The following LHX6 variants were observed in gnomAD, a reference collection of about 807,000 sequenced individuals.
LHX6 encodes LIM/homeobox protein Lhx6.
LHX6 carries 15 observed loss-of-function variants against 47.1 expected under a neutral mutation model. The ratio of observed to expected loss-of-function variants is 0.32; its 90% CI spans 0.21 to 0.49. The LOEUF (loss-of-function observed/expected upper bound fraction) is 0.49, where lower values mean the gene tolerates loss of function less well. Among genes scored for constraint, LHX6 ranks in the 20% least tolerant of loss-of-function variants. The pLI is 0.99. For synonymous variants in LHX6, 242 were observed against 233.5 expected, an observed-to-expected ratio of 1.04 and a Z score of -0.33; for missense variants, 404 against 539.6, an observed-to-expected ratio of 0.75 and a Z score of 2.49.
At chr9:122,228,489 C>CA in intron 1 of LHX6, 168 bp downstream of exon 1, 2 of 1,327,452 alleles carry the variant, frequency 1.5e-6, no homozygotes, top group Non-Finnish European at 1.9e-6. Context: ...TTCCGCGACC[C>CA]CCCCCCCCCG....
Position 122,217,598 on chromosome 9 carries a change from A to G in LHX6, c.462-310T>C, listed in dbSNP as rs980378474. ...AGTTAGAAAAAACACAATAATAGTA[A>G]TAATAAGCAAGTTGTTGAGCACTTA... On this transcript the variant is annotated intron_variant, in intron 4 of 9. Transcript: ENST00000394319. The surrounding 1 kb of genome is among the most constrained non-coding windows in gnomAD (Gnocchi z 4.9). Among the ~76,000 whole-genome samples the G allele has an allele frequency of 7.9e-5, 12 of 152,244 alleles. 1 individual carries two copies. The highest frequency in any genetic ancestry group is 1.3e-4 in the Admixed American group (2 of 15,292).
At chr9:122,210,256 G>A (rs891809021) in intron 8 of LHX6, among the ~76,000 whole-genome samples, 1 of 151,922 alleles carries the variant, frequency 6.6e-6, no homozygotes, top group South Asian at 2.1e-4. Flanking sequence ...GTGAGAGTGA[G>A]GTATAACCAT....
chr9:122,218,104 C>T lies in LHX6; in HGVS notation c.462-816G>A, dbSNP rs558685442. Among the ~76,000 whole-genome samples the T allele has an allele frequency of 7.9e-5, 12 of 152,308 alleles. No individual in the cohort carries two copies. In the East Asian group the frequency reaches 1.5e-3, roughly 20 times the overall value. On this transcript the variant is annotated intron_variant, in intron 4 of 9. Coordinates refer to ENST00000394319, the MANE Select transcript of LHX6 (RefSeq NM_014368.5). ...GCCTTCCTTGATTCTACGACTTCTC[C>T]TTCTCCCTTCTGGTTTTGTAGTCTG...
chr9:122,220,066 T>C (rs1027312635), intron 4 of LHX6, among the ~76,000 whole-genome samples: 10 of 152,240 alleles, frequency 6.6e-5, no homozygotes, highest in Admixed American at 1.3e-4. Context: ...CGTGGGATTC[T>C]TTCCCCCTTG....
rs546439326 is a variant in LHX6 at position 122,204,556 on chromosome 9, C to G, written c.*204G>C. 2 of 473,880 alleles carry G rather than the reference C, an allele frequency of 4.2e-6. No individual in the cohort carries two copies. Among genetic ancestry groups the G allele is most frequent in the South Asian group, 8.7e-5 (2 of 22,882 alleles). The allele number at this position is 473,880 out of a possible 1,614,324, so 29.4% of individuals were successfully genotyped here. ...GGAGTTCTGCCTTCCAAGAGGAGGA[C>G]TCTGTGGTGCTCCTGGTGGGTTCTG... On this transcript the variant is annotated 3_prime_UTR_variant, in exon 10 of 10. Transcript: ENST00000394319.
At chr9:122,228,291 T>C in intron 1 of LHX6, 1 of 1,534,762 alleles carries the variant, frequency 6.5e-7, no homozygotes, top group Non-Finnish European at 8.7e-7. Flanking sequence ...CTCCAGCCCC[T>C]CGGCGCGCCG....
At chr9:122,224,778 C>A (rs775532015) in intron 4 of LHX6, among the ~76,000 whole-genome samples, 6 of 152,200 alleles carry the variant, frequency 3.9e-5, no homozygotes, top group Non-Finnish European at 5.9e-5. Flanking sequence ...CACACATGAA[C>A]TAAAAGACAA....
At position 122,226,183 on chromosome 9, in the gene LHX6, C is replaced by T. The variant is rs1831088120; in HGVS notation, c.461+193G>A. 6.6e-6 allele frequency among the ~76,000 whole-genome samples: 1 copy of T among 152,218 alleles called. No individual in the cohort carries two copies. Among genetic ancestry groups the T allele is most frequent in the Non-Finnish European group, 1.5e-5 (1 of 68,026 alleles). On this transcript the variant is annotated intron_variant, in intron 4 of 9. Transcript: ENST00000394319. This position sits in a 1 kb window ranked among gnomAD's most constrained non-coding sequence, Gnocchi z 6.5. ...GGCAGATCCGGGGCGCAAACCTGTGCAGGCACTGGCGCGCTGCCTGGAGCT... is the reference window on the plus strand; with the variant it reads ...GGCAGATCCGGGGCGCAAACCTGTGTAGGCACTGGCGCGCTGCCTGGAGCT...
intron 8 of LHX6, among the ~76,000 whole-genome samples, chr9:122,211,917 AAT>A (rs1446151500): frequency 1.3e-5 from 2 of 152,206 alleles, no homozygotes; most frequent in Non-Finnish European, 2.9e-5. Context: ...GTGCAGCCTG[AAT>A]ATAGTTATTG....
Position 122,213,966 on chromosome 9 carries a change from C to CCGCCCCCCCG in LHX6, c.879+7_879+8insCGGGGGGGCG. The CCGCCCCCCCG allele has an allele frequency of 6.3e-7, 1 of 1,580,126 alleles. No individual in the cohort carries two copies. Among genetic ancestry groups the CCGCCCCCCCG allele is most frequent in the Non-Finnish European group, 8.6e-7 (1 of 1,161,536 alleles). On this transcript the variant is annotated splice_region_variant and intron_variant, in intron 7 of 9. Coordinates refer to ENST00000394319, the MANE Select transcript of LHX6 (RefSeq NM_014368.5). This position sits in a 1 kb window ranked among gnomAD's most constrained non-coding sequence, Gnocchi z 5.5. ...GCGGTCCCCAGGCCCCGCCCACCCC[C>CCGCCCCCCCG]GTCCCACCTGGATGACTCTCCGGCT...
intron 4 of LHX6, among the ~76,000 whole-genome samples, chr9:122,218,254 C>T (rs932923): frequency 0.021 from 3,136 of 152,172 alleles, 103 homozygotes; most frequent in African/African-American, 0.068. Context: ...AAAGTGTGTT[C>T]TTTAAAGTGG....
chr9:122,222,319 G>A (rs1436165208), intron 4 of LHX6, among the ~76,000 whole-genome samples: 9 of 152,156 alleles, frequency 5.9e-5, no homozygotes, highest in Non-Finnish European at 1.0e-4. Flanking sequence ...TCTTCCTCCA[G>A]AATTTTCTTC....
chr9:122,210,459 C>T (rs554945476), intron 8 of LHX6, among the ~76,000 whole-genome samples: 16 of 152,262 alleles, frequency 1.1e-4, no homozygotes, highest in African/African-American at 3.6e-4. Context: ...ACTCTGTACT[C>T]GTATGTCACC....
intron 5 of LHX6, among the ~76,000 whole-genome samples, chr9:122,216,463 C>G (rs1198210477): frequency 6.6e-6 from 1 of 152,166 alleles, no homozygotes; most frequent in Non-Finnish European, 1.5e-5. Context: ...GGGACTGAGG[C>G]CCAGAGAGAA....
At chr9:122,220,824 C>T (rs1281107810) in intron 4 of LHX6, among the ~76,000 whole-genome samples, 1 of 152,218 alleles carries the variant, frequency 6.6e-6, no homozygotes, top group East Asian at 1.9e-4. Flanking sequence ...TCTGGGTACT[C>T]GTGGTTATAT....
chr9:122,219,479 AGCCGACCCCGGGTTCCGCCACCCGGCTG>A (rs1245023010), intron 4 of LHX6, among the ~76,000 whole-genome samples: 1 of 152,114 alleles, frequency 6.6e-6, no homozygotes, highest in Non-Finnish European at 1.5e-5. Context: ...CCCCTCGAAG[AGCCGACCCCGGGTTCCGCCACCCGGCTG>A]GTGGTATCCG....
rs1830640141 is a variant in LHX6, at chr9:122,217,517, T to C, written c.462-229A>G. 6.6e-6 allele frequency among the ~76,000 whole-genome samples: 1 copy of C among 152,222 alleles called. No individual in the cohort carries two copies. Among genetic ancestry groups the C allele is most frequent in the Non-Finnish European group, 1.5e-5 (1 of 68,040 alleles). On this transcript the variant is annotated intron_variant, in intron 4 of 9. Coordinates refer to ENST00000394319, the MANE Select transcript of LHX6 (RefSeq NM_014368.5). The surrounding 1 kb of genome is among the most constrained non-coding windows in gnomAD (Gnocchi z 4.9). ...GGTGTTTTTCTGAATTTTCCAAATTTTCTACGATGGTCACTTATATTTGCA... is the reference window on the plus strand; with the variant it reads ...GGTGTTTTTCTGAATTTTCCAAATTCTCTACGATGGTCACTTATATTTGCA...
chr9:122,222,964 T>C (rs1830933163), intron 4 of LHX6, among the ~76,000 whole-genome samples: 1 of 152,108 alleles, frequency 6.6e-6, no homozygotes, highest in African/African-American at 2.4e-5. Context: ...AACAGAAGCC[T>C]AGAGAACCTC....
intron 4 of LHX6, among the ~76,000 whole-genome samples, chr9:122,225,554 G>T (rs1298984035): frequency 6.6e-6 from 1 of 152,268 alleles, no homozygotes; most frequent in African/African-American, 2.4e-5. Context: ...AGTAGGGAGA[G>T]CGCAGCCCGG....
Sources: allele counts gnomAD v4.1 joint callset (sites outside exome capture counted in the v4.1 genomes callset), GRCh38; gene constraint gnomAD v4.1.1; non-coding constraint Gnocchi (gnomAD v3.1); transcripts MANE v1.5; gene names NCBI Gene and HGNC (gene_info 2026-07-23, HGNC 2026-07-21).